Variants in AKAP6 observed in about 807,000 individuals in gnomAD.
AKAP6 encodes A-kinase anchoring protein 6.
In AKAP6, 58 loss-of-function variants were observed where a neutral mutation model predicts 188.5. The observed-to-expected ratio is 0.31, with a 90% CI of 0.25 to 0.38. The LOEUF (loss-of-function observed/expected upper bound fraction) is 0.38, where lower values mean the gene tolerates loss of function less well. AKAP6 is among the 10% of genes least tolerant of loss of function. AKAP6 has a pLI of 1.00. For missense variants in AKAP6, 2,710 were observed against 2,740.0 expected (o/e 0.99, Z 0.24); for synonymous variants, 989 against 998.6 (o/e 0.99, Z 0.18).
intron 1 of AKAP6, among the ~76,000 whole-genome samples, chr14:32,330,606 G>A (rs1221014784): frequency 6.6e-6 from 1 of 150,846 alleles, no homozygotes; most frequent in Non-Finnish European, 1.5e-5. Flanking sequence ...AGTCTTACAC[G>A]AAAGAATGGC....
chr14:32,800,351 G>T (rs550963033), intron 12 of AKAP6, among the ~76,000 whole-genome samples: 14 of 151,668 alleles, frequency 9.2e-5, no homozygotes, highest in Admixed American at 6.6e-4. Context: ...GCAGTGAGCT[G>T]AGATCCTACC....
chr14:32,399,156 C>T (rs932959136), intron 1 of AKAP6, among the ~76,000 whole-genome samples: 1 of 152,026 alleles, frequency 6.6e-6, no homozygotes, highest in African/African-American at 2.4e-5. Flanking sequence ...GCCTGGCCTG[C>T]CCTTATATTT....
intron 1 of AKAP6, among the ~76,000 whole-genome samples, chr14:32,331,200 A>G (rs1886521108): frequency 6.6e-6 from 1 of 152,064 alleles, no homozygotes; most frequent in African/African-American, 2.4e-5. Context: ...AATTTCTAGG[A>G]GTAAAAAAAA....
chr14:32,553,382 C>CAGA (rs2139181868), intron 4 of AKAP6, among the ~76,000 whole-genome samples: 1 of 152,186 alleles, frequency 6.6e-6, no homozygotes, highest in East Asian at 1.9e-4. Context: ...TCACGTTGGC[C>CAGA]AGACTGGTCT....
intron 2 of AKAP6, among the ~76,000 whole-genome samples, chr14:32,523,383 G>T (rs892691757): frequency 2.0e-5 from 3 of 151,634 alleles, no homozygotes; most frequent in Admixed American, 6.6e-5. Flanking sequence ...ACAGATCTAG[G>T]CACCGCTGAC....
chr14:32,591,648 CTTTT>C (rs71432068), intron 5 of AKAP6, among the ~76,000 whole-genome samples: 1 of 131,872 alleles, frequency 7.6e-6, no homozygotes. Context: ...AGTGTCTTCT[CTTTT>C]TTTTTTTTTT....
chr14:32,545,136 T>C (rs1883136785), intron 3 of AKAP6, 94 bp from the exon 4 acceptor site: 1 of 1,235,974 alleles, frequency 8.1e-7, no homozygotes, highest in Non-Finnish European at 1.2e-6. Flanking sequence ...ACATTTGACC[T>C]TTATAGTGCC....
intron 12 of AKAP6, among the ~76,000 whole-genome samples, chr14:32,778,539 GT>G (rs1009062064): frequency 3.3e-5 from 5 of 151,492 alleles, no homozygotes; most frequent in African/African-American, 1.2e-4. Context: ...ATGGTTTTGG[GT>G]TTTTTTTATT....
At chr14:32,758,907 C>A (rs959002631) in intron 11 of AKAP6, among the ~76,000 whole-genome samples, 1 of 152,170 alleles carries the variant, frequency 6.6e-6, no homozygotes, top group African/African-American at 2.4e-5. Context: ...TCTCAACTTG[C>A]AACAGTTTCT....
intron 9 of AKAP6, among the ~76,000 whole-genome samples, chr14:32,703,989 C>T (rs74041665): frequency 0.018 from 2,717 of 152,240 alleles, 77 homozygotes; most frequent in African/African-American, 0.061. Context: ...ACTTGGCCAA[C>T]GGGAATCATT....
Position 32,433,766 on chromosome 14 carries a change from C to T in AKAP6, c.273C>T (p.Val91=). Reference sequence around the variant, plus strand: ...GGGTCCGAGACCTAACCTATTCAGTCCAGCAGGATTCGGACAGCAAGCATG... The same window carrying T: ...GGGTCCGAGACCTAACCTATTCAGTTCAGCAGGATTCGGACAGCAAGCATG... ...SERVRDLTYS[V]QQDSDSKHVD... is the part of the protein sequence containing the mutation. Residue 91 remains valine (V), a synonymous_variant, in exon 2 of 14, where the codon GTC becomes GTT. Coordinates refer to ENST00000280979, the MANE Select transcript of AKAP6 (RefSeq NM_004274.5). 2.5e-6 allele frequency: 4 copies of T among 1,614,126 alleles called. No individual in the cohort carries two copies. The highest frequency in any genetic ancestry group is 3.4e-6 in the Non-Finnish European group (4 of 1,180,026).
chr14:32,464,476 C>T (rs186633321), intron 2 of AKAP6, among the ~76,000 whole-genome samples: 1 of 152,282 alleles, frequency 6.6e-6, no homozygotes, highest in African/African-American at 2.4e-5. Flanking sequence ...ATCACATAAA[C>T]AGATCCAATG....
At chr14:32,805,880 A>G (rs72669856) in intron 12 of AKAP6, among the ~76,000 whole-genome samples, 1 of 152,346 alleles carries the variant, frequency 6.6e-6, no homozygotes, top group Non-Finnish European at 1.5e-5. Context: ...ATATTGAAAA[A>G]GCTAATTATT....
At chr14:32,525,704 T>G (rs2139078429) in intron 2 of AKAP6, among the ~76,000 whole-genome samples, 1 of 152,262 alleles carries the variant, frequency 6.6e-6, no homozygotes, top group South Asian at 2.1e-4. Flanking sequence ...TTTTTAGGGG[T>G]TTACCTCTAA....
chr14:32,813,396 C>CG (rs199771800), intron 12 of AKAP6, among the ~76,000 whole-genome samples: 6 of 121,806 alleles, frequency 4.9e-5, no homozygotes, highest in Non-Finnish European at 1.0e-4. Context: ...CCTACCCCCC[C>CG]CCCCAACCCC....
At chr14:32,595,178 G>T (rs1387471041) in intron 5 of AKAP6, among the ~76,000 whole-genome samples, 2 of 151,904 alleles carry the variant, frequency 1.3e-5, no homozygotes, top group East Asian at 3.9e-4. Context: ...AACACTATAT[G>T]CAACAGCTAG....
At chr14:32,769,552 GT>G (rs146861682) in intron 11 of AKAP6, among the ~76,000 whole-genome samples, 2,621 of 146,178 alleles carry the variant, frequency 0.018, 54 homozygotes, top group African/African-American at 0.045. Context: ...TGCTTCATGG[GT>G]TTTTTTTTTT....
chr14:32,627,231 T>C (rs1887060871), intron 7 of AKAP6, among the ~76,000 whole-genome samples: 1 of 152,160 alleles, frequency 6.6e-6, no homozygotes, highest in Non-Finnish European at 1.5e-5. Context: ...ATTCTTTGAA[T>C]AATCTCTTAC....
chr14:32,660,363 A>G (rs1332509461), intron 7 of AKAP6, among the ~76,000 whole-genome samples: 1 of 152,134 alleles, frequency 6.6e-6, no homozygotes, highest in Non-Finnish European at 1.5e-5. Flanking sequence ...ATGGCAGAGC[A>G]TTAGCAAAAA....
Sources: allele counts gnomAD v4.1 joint callset (sites outside exome capture counted in the v4.1 genomes callset), GRCh38; gene constraint gnomAD v4.1.1; transcripts MANE v1.5; gene names NCBI Gene and HGNC (gene_info 2026-07-23, HGNC 2026-07-21).